The following EPS15 variants were observed in gnomAD, a reference collection of about 807,000 sequenced individuals.
The protein encoded by EPS15 is epidermal growth factor receptor substrate 15.
EPS15 carries 72 observed loss-of-function variants against 113.8 expected under a neutral mutation model. That is an observed-to-expected ratio of 0.63 (90% CI 0.52 to 0.77). The LOEUF is 0.77. EPS15 is among the 30% of genes least tolerant of loss of function. EPS15 has a pLI of 0.00. For synonymous variants in EPS15, 344 were observed against 363.4 expected (o/e 0.95, Z 0.61); for missense variants, 1,048 against 1,045.8 (o/e 1.00, Z -0.03).
At chr1:51,390,634 C>A (rs1647264911) in intron 21 of EPS15, among the ~76,000 whole-genome samples, 3 of 151,840 alleles carry the variant, frequency 2.0e-5, no homozygotes, top group African/African-American at 4.8e-5. Context: ...AAAAAACAAC[C>A]CCATCAAAAA....
chr1:51,391,221 A>C (rs935574301), intron 21 of EPS15, among the ~76,000 whole-genome samples: 1 of 152,076 alleles, frequency 6.6e-6, no homozygotes, highest in Non-Finnish European at 1.5e-5. Context: ...AGGACAAAAA[A>C]CCAAACACCG....
At position 51,493,803 on chromosome 1, in the gene EPS15, C is replaced by A. The variant is rs1299667846; in HGVS notation, c.34-12489G>T. Among the ~76,000 whole-genome samples, 4 of 151,702 alleles carry A rather than the reference C, an allele frequency of 2.6e-5. No homozygotes were observed. In the East Asian group the frequency reaches 7.9e-4, roughly 30 times the overall value. Reference sequence around the variant, plus strand: ...ATTTTTGTATTTTTTTTAGTAGAGACGGGGTTTTACTATGTTGGCCAGGCT... The same window carrying A: ...ATTTTTGTATTTTTTTTAGTAGAGAAGGGGTTTTACTATGTTGGCCAGGCT... On this transcript the variant is annotated intron_variant, in intron 1 of 24. Transcript: ENST00000371733.
At chr1:51,365,854 AGTTG>A in intron 22 of EPS15, 95 bp downstream of exon 22, 1 of 673,126 alleles carries the variant, frequency 1.5e-6, no homozygotes, top group South Asian at 2.2e-5. Flanking sequence ...ACTGAAATCA[AGTTG>A]CAACTTTGTG....
At chr1:51,473,176 C>T (rs10493154) in intron 2 of EPS15, among the ~76,000 whole-genome samples, 8,073 of 152,186 alleles carry the variant, frequency 0.053, 694 homozygotes, top group African/African-American at 0.18. Flanking sequence ...CCCTACCATA[C>T]AAATGAGAAA....
At chr1:51,447,317 T>C (rs891114221) in intron 9 of EPS15, among the ~76,000 whole-genome samples, 21 of 152,208 alleles carry the variant, frequency 1.4e-4, no homozygotes, top group African/African-American at 4.8e-4. Flanking sequence ...TTAGGACTTA[T>C]CCATAGGTGC....
chr1:51,438,673 T>C (rs1425370557), intron 12 of EPS15, among the ~76,000 whole-genome samples: 3 of 152,166 alleles, frequency 2.0e-5, no homozygotes, highest in Non-Finnish European at 4.4e-5. Context: ...GGACCATTTA[T>C]GGACCACATG....
At position 51,444,946 on chromosome 1, in the gene EPS15, AG is replaced by A; in HGVS notation, c.896del (p.Pro299LeufsTer9). The A allele has an allele frequency of 6.2e-7, 1 of 1,613,992 alleles. No homozygotes were observed. On this transcript the variant is annotated frameshift_variant, in exon 11 of 25. Coordinates refer to ENST00000371733, the MANE Select transcript of EPS15 (RefSeq NM_001981.3). LOFTEE classifies it high-confidence loss of function. ...TCATTTCAGGAGTAAGAACGTGAGG[AG>A]GATCAATGCCCTTGATTAACTTCTG... is the stretch of plus-strand genomic sequence containing the variant. Reference protein sequence around the residue: ...ISQKLIKGIDPPHVLTPEMIP... With the variant: ...ISQKLIKGIDXPHVLTPEMIP...
chr1:51,369,140 A>AC (rs1403994422), intron 21 of EPS15, among the ~76,000 whole-genome samples: 1 of 152,232 alleles, frequency 6.6e-6, no homozygotes, highest in African/African-American at 2.4e-5. Flanking sequence ...AATTAATTTT[A>AC]AAAAGGACAC....
intron 13 of EPS15, among the ~76,000 whole-genome samples, chr1:51,418,823 CAG>C (rs1172473598): frequency 6.6e-6 from 1 of 152,012 alleles, no homozygotes; most frequent in Admixed American, 6.6e-5. Context: ...TCCCATGTTA[CAG>C]AAGAGGAAAC....
intron 1 of EPS15, chr1:51,518,309 AG>A (rs1339930720): frequency 6.6e-6 from 1 of 152,430 alleles, no homozygotes; most frequent in African/African-American, 2.4e-5. Flanking sequence ...GGAAGCAACG[AG>A]GCAAGAGGGA....
chr1:51,472,953 A>C lies in EPS15; in HGVS notation c.76-5T>G. On this transcript the variant is annotated splice_region_variant and splice_polypyrimidine_tract_variant and intron_variant, in intron 2 of 24. Coordinates refer to ENST00000371733, the MANE Select transcript of EPS15 (RefSeq NM_001981.3). Reference sequence around the variant, plus strand: ...TCCAGTATTGCCTGTATCAACCTGAAAAGATACAAATCCGTAAGTTGACAA... The same window carrying C: ...TCCAGTATTGCCTGTATCAACCTGACAAGATACAAATCCGTAAGTTGACAA... 5 of 1,606,594 alleles carry C rather than the reference A, an allele frequency of 3.1e-6. No homozygotes were observed. Among genetic ancestry groups the C allele is most frequent in the Non-Finnish European group, 3.4e-6 (4 of 1,173,746 alleles).
intron 4 of EPS15, 126 bp from the exon 5 acceptor site, chr1:51,468,694 A>G: frequency 1.6e-6 from 1 of 635,738 alleles, no homozygotes. Context: ...TGTAGCAACA[A>G]GTAGCATATT....
At chr1:51,506,411 TA>T (rs1051637146) in intron 1 of EPS15, among the ~76,000 whole-genome samples, 2 of 152,192 alleles carry the variant, frequency 1.3e-5, no homozygotes, top group African/African-American at 4.8e-5. Context: ...AGCAGTACCT[TA>T]AAAAATTCCA....
intron 21 of EPS15, among the ~76,000 whole-genome samples, chr1:51,367,900 G>A (rs1646543216): frequency 6.6e-6 from 1 of 152,228 alleles, no homozygotes; most frequent in Non-Finnish European, 1.5e-5. Context: ...GGGAGGCCGA[G>A]GCGGGCAGAT....
intron 1 of EPS15, among the ~76,000 whole-genome samples, chr1:51,486,237 G>A (rs1644119078): frequency 6.7e-6 from 1 of 150,354 alleles, no homozygotes; most frequent in Non-Finnish European, 1.5e-5. Flanking sequence ...GGCCAATATG[G>A]CAACACCTCG....
chr1:51,444,829 T>A, intron 11 of EPS15, 60 bp downstream of exon 11: 1 of 1,452,694 alleles, frequency 6.9e-7, no homozygotes, highest in East Asian at 2.3e-5. Flanking sequence ...AATCTGTAAT[T>A]CGACATAGTA....
intron 13 of EPS15, among the ~76,000 whole-genome samples, chr1:51,411,491 T>A (rs1649719891): frequency 6.6e-6 from 1 of 152,206 alleles, no homozygotes; most frequent in African/African-American, 2.4e-5. Context: ...GAAAAACAAT[T>A]TCTGTATTTT....
At chr1:51,497,200 A>G (rs1342050085) in intron 1 of EPS15, among the ~76,000 whole-genome samples, 1 of 152,260 alleles carries the variant, frequency 6.6e-6, no homozygotes, top group Non-Finnish European at 1.5e-5. Flanking sequence ...GAATATTTCT[A>G]TGTACTACCA....
chr1:51,356,152 T>C lies in EPS15; in HGVS notation c.*548A>G. 4.8e-6 allele frequency: 1 copy of C among 209,066 alleles called. No homozygotes were observed. The highest frequency in any genetic ancestry group is 9.7e-6 in the Non-Finnish European group (1 of 102,666). 13.0% of individuals were successfully genotyped at this position (209,066 alleles called of 1,614,324 possible). On this transcript the variant is annotated 3_prime_UTR_variant, in exon 25 of 25. Transcript: ENST00000371733. ...TCCCTTTTCCATAGTGGAGTAAATC[T>C]GTGCAAAATATTTTTCCTTATCTCT...
Sources: gnomAD v4.1 joint callset for allele counts (sites outside exome capture counted in the v4.1 genomes callset) on GRCh38, gnomAD v4.1.1 for gene constraint, MANE v1.5 for transcripts, NCBI Gene and HGNC (gene_info 2026-07-23, HGNC 2026-07-21) for gene names.